Variants in ZFP14 observed in about 807,000 individuals in gnomAD.
ZFP14 encodes ZFP14 zinc finger protein, also known as zinc finger protein 14 homolog.
A neutral mutation model predicts 54.5 loss-of-function variants in ZFP14; 22 were observed. The ratio of observed to expected loss-of-function variants is 0.40; its 90% CI spans 0.29 to 0.58. The LOEUF (loss-of-function observed/expected upper bound fraction) is 0.58. Ranked by LOEUF, ZFP14 falls within the 20% of genes least tolerant of loss-of-function variation. ZFP14 has a pLI of 0.39. For missense variants in ZFP14, 470 were observed against 637.8 expected, an observed-to-expected ratio of 0.74 and a Z score of 2.83; for synonymous variants, 159 against 204.0, an observed-to-expected ratio of 0.78 and a Z score of 1.88.
intron 4 of ZFP14, among the ~76,000 whole-genome samples, chr19:36,349,877 C>A (rs1052994054): frequency 1.0e-5 from 1 of 99,976 alleles, no homozygotes; most frequent in Non-Finnish European, 2.3e-5. Flanking sequence ...ATAGGCTGGG[C>A]GTGGTGGCTC....
At chr19:36,350,427 C>T (rs1473375488) in intron 4 of ZFP14, among the ~76,000 whole-genome samples, 1 of 139,686 alleles carries the variant, frequency 7.2e-6, no homozygotes. Flanking sequence ...ATAGGGAGAC[C>T]CCCATCTCTA....
intron 4 of ZFP14, among the ~76,000 whole-genome samples, chr19:36,347,850 C>T (rs906669005): frequency 2.6e-5 from 4 of 152,026 alleles, no homozygotes; most frequent in African/African-American, 4.8e-5. Context: ...CACCTGAGGT[C>T]GGGAGTTTGA....
In ZFP14 at chr19:36,334,957, C is replaced by G. The variant is rs1353560345; in HGVS notation, c.*5267G>C. 1 of 152,192 alleles carries G rather than the reference C, an allele frequency of 6.6e-6. No homozygotes were observed. The highest frequency in any genetic ancestry group is 1.9e-4 in the East Asian group (1 of 5,192). 9.4% of individuals were successfully genotyped at this position (152,192 alleles called of 1,614,324 possible). On this transcript the variant is annotated 3_prime_UTR_variant, in exon 5 of 5. Coordinates refer to ENST00000270001, the MANE Select transcript of ZFP14 (RefSeq NM_020917.3). ...TGGCAAAATCTCAGCTCACTGCAAT[C>G]TCCATTTCCTGGGTTCAAGCAATTC...
At chr19:36,364,683 G>A (rs2031763924) in intron 2 of ZFP14, among the ~76,000 whole-genome samples, 1 of 152,052 alleles carries the variant, frequency 6.6e-6, no homozygotes, top group Admixed American at 6.6e-5. Flanking sequence ...ATAGTATAGG[G>A]TCTCAACATA....
intron 4 of ZFP14, among the ~76,000 whole-genome samples, chr19:36,346,162 A>G (rs1239867857): frequency 1.3e-5 from 2 of 151,968 alleles, no homozygotes; most frequent in Admixed American, 6.6e-5. Flanking sequence ...GTGCTTGCTT[A>G]TAGTCCCAGC....
intron 4 of ZFP14, among the ~76,000 whole-genome samples, chr19:36,342,824 A>C (rs372085299): frequency 6.6e-6 from 1 of 152,200 alleles, no homozygotes; most frequent in Admixed American, 6.5e-5. Flanking sequence ...ATAAAGCATC[A>C]TGTAGAAGGC....
At chr19:36,346,517 G>A (rs757909889) in intron 4 of ZFP14, among the ~76,000 whole-genome samples, 1 of 151,880 alleles carries the variant, frequency 6.6e-6, no homozygotes, top group African/African-American at 2.4e-5. Flanking sequence ...GTGTAGTGTG[G>A]CGCAGTCTCA....
intron 1 of ZFP14, 61 bp from the exon 2 acceptor site, chr19:36,368,032 C>T: frequency 2.0e-6 from 2 of 1,007,716 alleles, no homozygotes; most frequent in Admixed American, 2.9e-5. Flanking sequence ...AAATGATGTA[C>T]ATCATAAATA....
chr19:36,362,241 G>A lies in ZFP14; in HGVS notation c.10-3C>T. 1 of 1,580,152 alleles carries A rather than the reference G, an allele frequency of 6.3e-7. No individual in the cohort carries two copies. Among genetic ancestry groups the A allele is most frequent in the East Asian group, 2.3e-5 (1 of 43,920 alleles). ...ACATCCCTGAATGTCACTGAACCCTGAAAAAACAAACTCAGGTATTACTTG... is the reference window on the plus strand; with the variant it reads ...ACATCCCTGAATGTCACTGAACCCTAAAAAAACAAACTCAGGTATTACTTG... On this transcript the variant is annotated splice_polypyrimidine_tract_variant and splice_region_variant and intron_variant, in intron 2 of 4. Transcript: ENST00000270001.
Position 36,340,819 on chromosome 19 carries a change from C to A in ZFP14, c.1007G>T (p.Gly336Val). Residue 336 changes from glycine (G) to valine (V), a missense_variant, in exon 5 of 5, where the codon GGT becomes GTT. Coordinates refer to ENST00000270001, the MANE Select transcript of ZFP14 (RefSeq NM_020917.3). The surrounding 1 kb of genome is among the most constrained non-coding windows in gnomAD (Gnocchi z 5.4). ...DLRVHQKIHF[G>V]EKPYECKECG... ...CTCCTTACATTCATAGGGTTTCTCA[C>A]CAAAATGAATTTTCTGATGTACTCT... is the stretch of plus-strand genomic sequence containing the variant. 6.2e-7 allele frequency: 1 copy of A among 1,614,110 alleles called. No homozygotes were observed. The highest frequency in any genetic ancestry group is 1.6e-4 in the Middle Eastern group (1 of 6,062).
chr19:36,369,984 A>G (rs1316761295), intron 1 of ZFP14, among the ~76,000 whole-genome samples: 1 of 152,144 alleles, frequency 6.6e-6, no homozygotes, highest in Non-Finnish European at 1.5e-5. Context: ...ATAGTTGGGC[A>G]CCACCATGCC....
intron 1 of ZFP14, among the ~76,000 whole-genome samples, chr19:36,371,249 C>A (rs531777768): frequency 1.3e-5 from 2 of 151,600 alleles, no homozygotes; most frequent in Non-Finnish European, 2.9e-5. Flanking sequence ...GGCGACAGAG[C>A]GAGACTCTGT....
At chr19:36,353,719 G>T (rs867493532) in intron 4 of ZFP14, among the ~76,000 whole-genome samples, 9 of 125,068 alleles carry the variant, frequency 7.2e-5, no homozygotes, top group African/African-American at 2.7e-4. Context: ...AAAAAAATCA[G>T]CTCATGTTAC....
intron 1 of ZFP14, among the ~76,000 whole-genome samples, chr19:36,377,863 AC>A (rs956656181): frequency 2.6e-5 from 4 of 152,002 alleles, no homozygotes; most frequent in African/African-American, 7.3e-5. Context: ...ACAAAAAAAA[AC>A]AAAACAAAAC....
At position 36,341,566 on chromosome 19, in the gene ZFP14, T is replaced by C; in HGVS notation, c.260A>G (p.Asn87Ser). 1 of 1,589,758 alleles carries C rather than the reference T, an allele frequency of 6.3e-7. No homozygotes were observed. The highest frequency in any genetic ancestry group is 8.5e-7 in the Non-Finnish European group (1 of 1,170,416). The change falls in exon 5 of 5, where the codon AAT (asparagine) becomes AGT (serine). Residue 87 changes from asparagine to serine, a missense_variant. Coordinates refer to ENST00000270001, the MANE Select transcript of ZFP14 (RefSeq NM_020917.3). This position sits in a 1 kb window ranked among gnomAD's most constrained non-coding sequence, Gnocchi z 4.2. ...CPDLESRYRT[N>S]TLSPEKDIYE... ...AATGTCCTTTTCTGGAGATAAAGTA[T>C]TGGTCCTGTATCTGGACTCCAAATC...
At position 36,341,334 on chromosome 19, in the gene ZFP14, G is replaced by A. The variant is rs771486287; in HGVS notation, c.492C>T (p.Ile164=). ...CATACACCTTTTCTCCATTATGAAC[G>A]ATCTGATACTCAGTAAGAAAATTGT... is the stretch of plus-strand genomic sequence containing the variant. The part of the protein sequence containing the change: ...KRHNFLTEYQ[I]VHNGEKVYEC... Residue 164 remains isoleucine, a synonymous_variant, in exon 5 of 5, where the codon ATC becomes ATT. Transcript: ENST00000270001. The surrounding 1 kb of genome is among the most constrained non-coding windows in gnomAD (Gnocchi z 4.2). The A allele has an allele frequency of 5.0e-6, 8 of 1,614,096 alleles. No homozygotes were observed. Among genetic ancestry groups the A allele is most frequent in the Non-Finnish European group, 5.9e-6 (7 of 1,180,018 alleles).
At position 36,340,289 on chromosome 19, in the gene ZFP14, A is replaced by G; in HGVS notation, c.1537T>C (p.Cys513Arg). The G allele has an allele frequency of 6.2e-7, 1 of 1,613,654 alleles. No homozygotes were observed. Among genetic ancestry groups the G allele is most frequent in the Non-Finnish European group, 8.5e-7 (1 of 1,179,828 alleles). The change falls in exon 5 of 5, where the codon TGT (cysteine) becomes CGT (arginine). Residue 513 changes from cysteine to arginine, a missense_variant. Coordinates refer to ENST00000270001, the MANE Select transcript of ZFP14 (RefSeq NM_020917.3). This position sits in a 1 kb window ranked among gnomAD's most constrained non-coding sequence, Gnocchi z 5.4. ...TGEKPYKCKE[C>R]KKAFRQHSHL... is the part of the protein sequence containing the mutation. ...GAATGCTGTCTAAAGGCCTTCTTAC[A>G]CTCCTTACACTTGTAGGGCTTCTCA...
intron 2 of ZFP14, among the ~76,000 whole-genome samples, chr19:36,367,174 T>G (rs1387037671): frequency 6.6e-6 from 1 of 151,636 alleles, no homozygotes; most frequent in Non-Finnish European, 1.5e-5. Flanking sequence ...AAAAATGTCA[T>G]ATTATGTATT....
chr19:36,365,428 A>G (rs1243903708), intron 2 of ZFP14, among the ~76,000 whole-genome samples: 10 of 152,186 alleles, frequency 6.6e-5, no homozygotes, highest in Admixed American at 6.6e-4. Context: ...AATGAGGGCT[A>G]TATGTGAAGC....
Sources: allele counts gnomAD v4.1 joint callset (sites outside exome capture counted in the v4.1 genomes callset), GRCh38; gene constraint gnomAD v4.1.1; non-coding constraint Gnocchi (gnomAD v3.1); transcripts MANE v1.5; gene names NCBI Gene and HGNC (gene_info 2026-07-23, HGNC 2026-07-21).